Variants in RORA observed in about 807,000 individuals in gnomAD.
RORA encodes the protein nuclear receptor ROR-alpha.
Under a neutral mutation model 69.5 loss-of-function variants are expected in RORA, and 7 were observed. The observed-to-expected ratio is 0.10, with a 90% confidence interval of 0.06 to 0.19. The LOEUF (loss-of-function observed/expected upper bound fraction) is 0.19, where lower values mean the gene tolerates loss of function less well. Ranked by LOEUF, RORA falls within the 10% of genes least tolerant of loss-of-function variation. The probability of loss-of-function intolerance (pLI) is 1.00; values close to 1 mark genes in which losing one functional copy is unlikely to be tolerated. For synonymous variants in RORA, 261 were observed against 240.8 expected (o/e 1.08, Z -0.78); for missense variants, 457 against 663.0 (o/e 0.69, Z 3.41).
At chr15:61,041,466 C>A (rs762294099) in intron 1 of RORA, among the ~76,000 whole-genome samples, 5 of 152,178 alleles carry the variant, frequency 3.3e-5, no homozygotes, top group Non-Finnish European at 7.3e-5. Context: ...GACAACCAGG[C>A]GCCACACTAA....
At chr15:61,217,861 A>G (rs1323562211) in intron 1 of RORA, among the ~76,000 whole-genome samples, 2 of 152,146 alleles carry the variant, frequency 1.3e-5, no homozygotes, top group Admixed American at 6.5e-5. Context: ...TGGCATAAAG[A>G]TACTGTATGA....
chr15:60,783,928 C>A (rs2072298629), intron 1 of RORA, among the ~76,000 whole-genome samples: 1 of 152,206 alleles, frequency 6.6e-6, no homozygotes, highest in Non-Finnish European at 1.5e-5. Flanking sequence ...AATTTGTACG[C>A]ATGATAATAA....
At chr15:61,164,231 C>A (rs2079522169) in intron 1 of RORA, among the ~76,000 whole-genome samples, 1 of 152,116 alleles carries the variant, frequency 6.6e-6, no homozygotes, top group South Asian at 2.1e-4. Context: ...TTCATCAGCA[C>A]TTTAGAGATA....
At chr15:61,196,625 T>C (rs1567033270) in intron 1 of RORA, among the ~76,000 whole-genome samples, 1 of 152,248 alleles carries the variant, frequency 6.6e-6, no homozygotes, top group East Asian at 1.9e-4. Context: ...CAGTTAGCCA[T>C]AATATTATGA....
At chr15:60,709,584 T>C (rs1426798875) in intron 1 of RORA, among the ~76,000 whole-genome samples, 2 of 152,004 alleles carry the variant, frequency 1.3e-5, no homozygotes, top group East Asian at 1.9e-4. Flanking sequence ...CAAAGAAGCA[T>C]GAACCCTGTT....
At chr15:60,784,740 ACT>A (rs556187523) in intron 1 of RORA, among the ~76,000 whole-genome samples, 3 of 152,080 alleles carry the variant, frequency 2.0e-5, no homozygotes, top group Non-Finnish European at 2.9e-5. Context: ...TTGAGCAGTG[ACT>A]CTCTCTCATA....
intron 1 of RORA, among the ~76,000 whole-genome samples, chr15:61,166,813 G>A (rs1490093850): frequency 6.6e-6 from 1 of 152,068 alleles, no homozygotes; most frequent in East Asian, 1.9e-4. Context: ...TTATCCACAT[G>A]TTATCCACAG....
chr15:60,738,146 G>A (rs546807293), intron 1 of RORA, among the ~76,000 whole-genome samples: 249 of 152,302 alleles, frequency 1.6e-3, no homozygotes, highest in Middle Eastern at 3.4e-3. Context: ...GGGATAAGCC[G>A]AGACCGTAGC....
At chr15:60,772,681 G>A (rs1186747469) in intron 1 of RORA, among the ~76,000 whole-genome samples, 1 of 152,120 alleles carries the variant, frequency 6.6e-6, no homozygotes, top group Non-Finnish European at 1.5e-5. Flanking sequence ...TTGCTCTACA[G>A]AAAAGATGGA....
intron 1 of RORA, among the ~76,000 whole-genome samples, chr15:61,206,579 AT>A (rs1416537713): frequency 7.9e-5 from 12 of 152,144 alleles, no homozygotes; most frequent in Non-Finnish European, 1.8e-4. Flanking sequence ...GATGCTGACC[AT>A]CCCGCCCTTC....
In RORA at chr15:60,541,126, C is replaced by T. The variant is rs534030517; in HGVS notation, c.197-9275G>A. Among the ~76,000 whole-genome samples the T allele has an allele frequency of 1.7e-4, 26 of 152,226 alleles. 2 individuals are homozygous for T. The South Asian group carries it at 5.4e-3, about 32-fold the overall frequency. ...GCAAATTATTTAGGCTTGCCAGAAG[C>T]GGAAGTGTAAATGTTTTCATATTAA... On this transcript the variant is annotated intron_variant, in intron 2 of 10. Coordinates refer to ENST00000335670, the MANE Select transcript of RORA (RefSeq NM_134261.3).
chr15:60,945,760 G>C (rs1034177651), intron 1 of RORA, among the ~76,000 whole-genome samples: 2 of 152,224 alleles, frequency 1.3e-5, no homozygotes, highest in Non-Finnish European at 2.9e-5. Flanking sequence ...GTCTATCCCA[G>C]TGCACATGAT....
intron 1 of RORA, among the ~76,000 whole-genome samples, chr15:60,713,168 T>A (rs1457370781): frequency 2.0e-5 from 3 of 152,154 alleles, no homozygotes; most frequent in African/African-American, 7.2e-5. Context: ...AAAACAAATG[T>A]CATAAAGCCA....
chr15:61,197,369 T>C (rs1305441959), intron 1 of RORA, among the ~76,000 whole-genome samples: 1 of 152,124 alleles, frequency 6.6e-6, no homozygotes, highest in Non-Finnish European at 1.5e-5. Context: ...GTTCCCATGG[T>C]GTGGAGAAGC....
intron 2 of RORA, among the ~76,000 whole-genome samples, chr15:60,567,082 A>G (rs1222191061): frequency 6.6e-6 from 1 of 152,130 alleles, no homozygotes; most frequent in Non-Finnish European, 1.5e-5. Context: ...ACTAGCCAAA[A>G]CCATTAATCT....
intron 2 of RORA, chr15:60,558,501 A>G: frequency 2.0e-6 from 1 of 488,948 alleles, no homozygotes; most frequent in Non-Finnish European, 3.6e-6. Flanking sequence ...CTGTTAACTA[A>G]GACTGGATTG....
intron 2 of RORA, among the ~76,000 whole-genome samples, chr15:60,564,443 G>A (rs1481099858): frequency 6.6e-6 from 1 of 151,936 alleles, no homozygotes; most frequent in East Asian, 1.9e-4. Flanking sequence ...ATTTTTTACT[G>A]CCAGTGAGAA....
chr15:60,691,371 A>AT (rs988114831), intron 1 of RORA, among the ~76,000 whole-genome samples: 11 of 152,326 alleles, frequency 7.2e-5, no homozygotes, highest in African/African-American at 2.4e-4. Flanking sequence ...GGGACTTCCC[A>AT]TCCTTGGTAT....
chr15:61,057,665 C>T (rs1040475510), intron 1 of RORA, among the ~76,000 whole-genome samples: 2 of 152,172 alleles, frequency 1.3e-5, no homozygotes, highest in African/African-American at 4.8e-5. Flanking sequence ...GTTTCTTTGT[C>T]TCTTTCGTTT....
Sources: gnomAD v4.1 joint callset for allele counts (sites outside exome capture counted in the v4.1 genomes callset) on GRCh38, gnomAD v4.1.1 for gene constraint, MANE v1.5 for transcripts, NCBI Gene and HGNC (gene_info 2026-07-23, HGNC 2026-07-21) for gene names.